Variants in SMARCD3 observed in about 807,000 individuals in gnomAD.
The protein encoded by SMARCD3 is SWI/SNF-related matrix-associated actin-dependent regulator of chromatin subfamily D member 3.
In SMARCD3, 14 loss-of-function variants were observed where a neutral mutation model predicts 58.0. The observed-to-expected ratio is 0.24, with a 90% CI of 0.16 to 0.38. SMARCD3 has a LOEUF of 0.38. Among genes scored for constraint, SMARCD3 ranks in the 10% least tolerant of loss-of-function variants. SMARCD3 has a pLI of 1.00. For missense variants in SMARCD3, 408 were observed against 636.9 expected (o/e 0.64, Z 3.87); for synonymous variants, 253 against 253.8 (o/e 1.00, Z 0.03).
rs150943727 is a variant in SMARCD3 at position 151,241,970 on chromosome 7, C to T, written c.684G>A (p.Arg228=). Residue 228 remains arginine (R), a synonymous_variant, in exon 7 of 13, where the codon CGG becomes CGA. Coordinates refer to ENST00000262188, the MANE Select transcript of SMARCD3 (RefSeq NM_001003801.2). This position sits in a 1 kb window ranked among gnomAD's most constrained non-coding sequence, Gnocchi z 5.3. ...GPDNHLVEWH[R]TPTTQETDGF... is the part of the protein sequence containing the mutation. ...CGTCCGTCTCCTGGGTCGTGGGTGT[C>T]CGATGCCACTGTCCAGGAGAGAAGA... 1.9e-6 allele frequency: 3 copies of T among 1,611,300 alleles called. No homozygotes were observed. The African/African-American group carries it at 4.0e-5, about 22-fold the overall frequency.
chr7:151,247,134 C>T (rs1222486153), intron 1 of SMARCD3, among the ~76,000 whole-genome samples: 1 of 152,158 alleles, frequency 6.6e-6, no homozygotes, highest in East Asian at 1.9e-4. Flanking sequence ...CTCAGGCCTC[C>T]AGGGTAGCAG....
In SMARCD3 at chr7:151,245,821, T is replaced by C; in HGVS notation, c.79-150A>G. 1 of 382,448 alleles carries C rather than the reference T, an allele frequency of 2.6e-6. No homozygotes were observed. The highest frequency in any genetic ancestry group is 4.6e-6 in the Non-Finnish European group (1 of 216,046). The allele number at this position is 382,448 out of a possible 1,614,324, so 23.7% of individuals were successfully genotyped here. On this transcript the variant is annotated intron_variant, in intron 1 of 12. Coordinates refer to ENST00000262188, the MANE Select transcript of SMARCD3 (RefSeq NM_001003801.2). The surrounding 1 kb of genome is among the most constrained non-coding windows in gnomAD (Gnocchi z 6.2). The stretch of plus-strand genomic sequence containing the variant: ...TTGAGCGATGGGTGGGAGCGATGGG[T>C]AGGAGGGGCAGGGGCGCCGGAATCT...
intron 2 of SMARCD3, among the ~76,000 whole-genome samples, chr7:151,270,387 A>G (rs75890003): frequency 0.061 from 9,360 of 152,272 alleles, 440 homozygotes; most frequent in Non-Finnish European, 0.092. Context: ...TCAGCCGTAG[A>G]GCCACCCCCT....
At chr7:151,244,090 CAG>C (rs1803138552) in intron 2 of SMARCD3, among the ~76,000 whole-genome samples, 1 of 152,178 alleles carries the variant, frequency 6.6e-6, no homozygotes, top group Non-Finnish European at 1.5e-5. Context: ...TTCTGGAAAG[CAG>C]GGGGTGCCCT....
intron 2 of SMARCD3, among the ~76,000 whole-genome samples, chr7:151,256,769 C>T (rs73169679): frequency 0.083 from 12,652 of 152,158 alleles, 654 homozygotes; most frequent in Non-Finnish European, 0.11. Flanking sequence ...TTTTCCCCTT[C>T]ACTGAGAAAA....
chr7:151,253,541 C>T (rs1357456560), upstream of SMARCD3, among the ~76,000 whole-genome samples: 5 of 152,206 alleles, frequency 3.3e-5, no homozygotes, highest in African/African-American at 1.2e-4. Flanking sequence ...CCTTGACACC[C>T]CTCCCACCAC....
intron 9 of SMARCD3, 44 bp from the exon 10 acceptor site, chr7:151,240,291 CGGCCCCA>C (rs1369615851): frequency 1.1e-5 from 18 of 1,613,168 alleles, no homozygotes; most frequent in African/African-American, 5.3e-5. Context: ...TGCCCCCATA[CGGCCCCA>C]GGGCCCCGGG....
chr7:151,241,560 C>T lies in SMARCD3; in HGVS notation c.871G>A (p.Val291Met), dbSNP rs1802986618. 1 of 1,611,562 alleles carries T rather than the reference C, an allele frequency of 6.2e-7. No homozygotes were observed. Among genetic ancestry groups the T allele is most frequent in the Non-Finnish European group, 8.5e-7 (1 of 1,178,944 alleles). The change falls in exon 8 of 13, where the codon GTG becomes ATG. Residue 291 changes from valine to methionine, a missense_variant. This residue lies in a region of SMARCD3 where 115 missense variants were observed against 257.2 expected (regional missense o/e 0.45). Transcript: ENST00000262188. This position sits in a 1 kb window ranked among gnomAD's most constrained non-coding sequence, Gnocchi z 5.3. Reference sequence around the variant, plus strand: ...GAGTCCTGCAGCCTGTTGGTCTTCACATACTGCCACAGGGCCTGGACAATG... The same window carrying T: ...GAGTCCTGCAGCCTGTTGGTCTTCATATACTGCCACAGGGCCTGGACAATG... ...SAIVQALWQYVKTNRLQDSHD... is the reference protein window; with the variant it reads ...SAIVQALWQYMKTNRLQDSHD...
Position 151,243,850 on chromosome 7 carries a change from G to A in SMARCD3, c.291-149C>T. 1.4e-6 allele frequency: 1 copy of A among 739,282 alleles called. No homozygotes were observed. Among genetic ancestry groups the A allele is most frequent in the Non-Finnish European group, 2.5e-6 (1 of 403,496 alleles). 45.8% of individuals were successfully genotyped at this position (739,282 alleles called of 1,614,324 possible). A position where few individuals can be genotyped will look rare whatever the true frequency, so the allele number is the denominator to read the frequency against. ...TGCCCGCCCAAGGGCTGTGACGGTG[G>A]TGTGTGGAACCGGTGCTCTGTCCTC... On this transcript the variant is annotated intron_variant, in intron 2 of 12. Coordinates refer to ENST00000262188, the MANE Select transcript of SMARCD3 (RefSeq NM_001003801.2). This position sits in a 1 kb window ranked among gnomAD's most constrained non-coding sequence, Gnocchi z 4.4.
intron 2 of SMARCD3, among the ~76,000 whole-genome samples, chr7:151,265,503 C>G (rs571644282): frequency 6.6e-6 from 1 of 152,206 alleles, no homozygotes; most frequent in Non-Finnish European, 1.5e-5. Flanking sequence ...GCCCTAGTGA[C>G]CCAACACCCC....
chr7:151,258,029 C>T lies in SMARCD3; in HGVS notation c.40-12358G>A, dbSNP rs528457290. 6.7e-4 allele frequency among the ~76,000 whole-genome samples: 102 copies of T among 152,270 alleles called. 2 individuals are homozygous for T. The highest frequency in any genetic ancestry group is 1.8e-3 in the African/African-American group (75 of 41,556). ...CTCTTTTGCCTCAAACCCCATCCTC[C>T]GCCCAGTCTTCTCCCTCCTTCCAGC... On this transcript the variant is annotated intron_variant, in intron 2 of 13. Transcript: ENST00000356800.
At chr7:151,247,757 C>T (rs1343010751) in intron 1 of SMARCD3, among the ~76,000 whole-genome samples, 1 of 152,124 alleles carries the variant, frequency 6.6e-6, no homozygotes, top group Non-Finnish European at 1.5e-5. Context: ...TCCCACGTGC[C>T]TTCACAGCCT....
At chr7:151,257,170 C>T (rs1026162319) in intron 2 of SMARCD3, among the ~76,000 whole-genome samples, 31 of 152,164 alleles carry the variant, frequency 2.0e-4, no homozygotes, top group African/African-American at 7.0e-4. Context: ...GCATTTTAGG[C>T]GTGAGCCCCT....
upstream of SMARCD3, among the ~76,000 whole-genome samples, chr7:151,251,976 T>A (rs1034671997): frequency 1.3e-5 from 2 of 149,462 alleles, no homozygotes; most frequent in Admixed American, 1.3e-4. Context: ...GGCCTGGGCA[T>A]GCGCGCCGCG....
At position 151,238,964 on chromosome 7, in the gene SMARCD3, C is replaced by A; in HGVS notation, c.*139G>T. On this transcript the variant is annotated 3_prime_UTR_variant, in exon 13 of 13. Coordinates refer to ENST00000262188, the MANE Select transcript of SMARCD3 (RefSeq NM_001003801.2). Reference sequence around the variant, plus strand: ...TCCCCTCCCCAGTTTCCAATGACCACACGGCTGCTGTCAGATGAATGACTT... The same window carrying A: ...TCCCCTCCCCAGTTTCCAATGACCAAACGGCTGCTGTCAGATGAATGACTT... The A allele has an allele frequency of 9.2e-7, 1 of 1,090,618 alleles. No homozygotes were observed. The highest frequency in any genetic ancestry group is 1.4e-6 in the Non-Finnish European group (1 of 720,272). The allele number at this position is 1,090,618 out of a possible 1,614,324, so 67.6% of individuals were successfully genotyped here. A position where few individuals can be genotyped will look rare whatever the true frequency, so the allele number is the denominator to read the frequency against.
chr7:151,268,320 G>A (rs1795059996), intron 2 of SMARCD3, among the ~76,000 whole-genome samples: 1 of 152,244 alleles, frequency 6.6e-6, no homozygotes, highest in Admixed American at 6.5e-5. Flanking sequence ...ATCGGGTGGA[G>A]CTGAGGAGGG....
intron 2 of SMARCD3, among the ~76,000 whole-genome samples, chr7:151,253,747 C>G (rs774186078): frequency 1.3e-5 from 2 of 152,198 alleles, no homozygotes; most frequent in African/African-American, 4.8e-5. Flanking sequence ...CATTTCTGCA[C>G]GGACAGGGCT....
intron 2 of SMARCD3, among the ~76,000 whole-genome samples, chr7:151,263,610 C>T (rs904058217): frequency 2.0e-5 from 3 of 152,206 alleles, no homozygotes; most frequent in Non-Finnish European, 4.4e-5. Context: ...TGAACATCTT[C>T]TTCTCCCTTG....
rs557983448 is a variant in SMARCD3 at position 151,276,096 on chromosome 7, G to T, written c.-100+609C>A. On this transcript the variant is annotated intron_variant, in intron 1 of 13. Transcript: ENST00000356800. ...GTCCGGGAGACAGAGTGGGAGGGGAGGATGAGGAGAGGAAGATGCGGTAGG... is the reference window on the plus strand; with the variant it reads ...GTCCGGGAGACAGAGTGGGAGGGGATGATGAGGAGAGGAAGATGCGGTAGG... Among the ~76,000 whole-genome samples, 3 of 151,458 alleles carry T rather than the reference G, an allele frequency of 2.0e-5. No individual in the cohort carries two copies. In the South Asian group the frequency reaches 6.3e-4, roughly 32 times the overall value.
Sources: gnomAD v4.1 joint callset for allele counts (sites outside exome capture counted in the v4.1 genomes callset) on GRCh38, gnomAD v4.1.1 for gene constraint, gnomAD v4.1.1 regional missense constraint, Gnocchi (gnomAD v3.1) non-coding constraint, MANE v1.5 for transcripts, NCBI Gene and HGNC (gene_info 2026-07-23, HGNC 2026-07-21) for gene names.